The following SCNN1B variants were observed in gnomAD, a reference collection of about 807,000 sequenced individuals.
SCNN1B encodes sodium channel epithelial 1 subunit beta.
A neutral mutation model predicts 65.3 loss-of-function variants in SCNN1B; 46 were observed. That is an observed-to-expected ratio of 0.70 (90% CI 0.56 to 0.90). The LOEUF is 0.90. SCNN1B is among the 40% of genes least tolerant of loss of function. The pLI, the probability that SCNN1B is intolerant of heterozygous loss-of-function variation, is 0.00. For missense variants in SCNN1B, 751 were observed against 830.5 expected (o/e 0.90, Z 1.18); for synonymous variants, 349 against 330.6 (o/e 1.06, Z -0.60).
intron 1 of SCNN1B, 125 bp downstream of exon 1, chr16:23,302,562 G>C (rs1039697790): frequency 6.6e-6 from 1 of 152,284 alleles, no homozygotes; most frequent in African/African-American, 2.4e-5. Flanking sequence ...TCCCACGGGA[G>C]GGCGCTTGGG....
intron 1 of SCNN1B, among the ~76,000 whole-genome samples, chr16:23,321,877 T>G (rs1199693606): frequency 2.0e-5 from 3 of 151,802 alleles, no homozygotes; most frequent in African/African-American, 7.3e-5. Flanking sequence ...ATACAATAAT[T>G]AGCTGGGCAT....
intron 1 of SCNN1B, chr16:23,304,186 C>A: frequency 9.0e-7 from 1 of 1,112,694 alleles, no homozygotes; most frequent in Non-Finnish European, 1.3e-6. Context: ...ACTAACTTCA[C>A]AGGATCTGAA....
intron 2 of SCNN1B, among the ~76,000 whole-genome samples, chr16:23,295,015 C>G (rs1178175289): frequency 6.8e-6 from 1 of 146,248 alleles, no homozygotes; most frequent in African/African-American, 2.6e-5. Context: ...AACAAAAAAA[C>G]TTCAACCTCC....
Position 23,353,761 on chromosome 16 carries a change from C to T in SCNN1B, c.585+687C>T, listed in dbSNP as rs1010053310. ...TAAATATTGGGCAGGTGAAAAGCCA[C>T]AGCTGTGCAGTACAGTCACATGCCA... On this transcript the variant is annotated intron_variant, in intron 3 of 12. Coordinates refer to ENST00000343070, the MANE Select transcript of SCNN1B (RefSeq NM_000336.3). 1.1e-4 allele frequency among the ~76,000 whole-genome samples: 16 copies of T among 152,356 alleles called. No individual in the cohort carries two copies. In the East Asian group the frequency reaches 2.7e-3, roughly 26 times the overall value.
chr16:23,371,431 C>G lies in SCNN1B; in HGVS notation c.1013C>G (p.Ser338Trp). The G allele has an allele frequency of 6.2e-7, 1 of 1,614,052 alleles. No individual in the cohort carries two copies. Among genetic ancestry groups the G allele is most frequent in the South Asian group, 1.1e-5 (1 of 91,054 alleles). ...FIRDEGIYAM[S>W]GTETSIGVLV... is the part of the protein sequence containing the mutation. ...AGAGATGAGGGCATCTACGCCATGT[C>G]GGGGACAGAGACGTCCATCGGGGTA... The change falls in exon 6 of 13, where the codon TCG (serine) becomes TGG (tryptophan). Residue 338 changes from serine to tryptophan, a missense_variant. By Grantham distance (177) the Ser-to-Trp change is radical (BLOSUM62 -3). Coordinates refer to ENST00000343070, the MANE Select transcript of SCNN1B (RefSeq NM_000336.3).
intron 1 of SCNN1B, among the ~76,000 whole-genome samples, chr16:23,307,265 G>A (rs981364837): frequency 8.1e-5 from 12 of 148,160 alleles, no homozygotes; most frequent in East Asian, 2.0e-4. Context: ...AACTGCTGCC[G>A]TTATTTTGAC....
chr16:23,334,653 C>A (rs904795658), intron 1 of SCNN1B, among the ~76,000 whole-genome samples: 8 of 152,220 alleles, frequency 5.3e-5, no homozygotes, highest in Non-Finnish European at 1.2e-4. Flanking sequence ...ACCCCATTCA[C>A]CCCTCTGCAA....
rs545426110 is a variant in SCNN1B, at chr16:23,377,460, A to C, written c.1404+74A>C. 2.0e-5 allele frequency: 29 copies of C among 1,427,304 alleles called. No homozygotes were observed. In the African/African-American group the frequency reaches 3.4e-4, roughly 17 times the overall value. 88.4% of individuals were successfully genotyped at this position (1,427,304 alleles called of 1,614,324 possible). The stretch of plus-strand genomic sequence containing the variant: ...CAAGTCTGGGCATAAGATGTGGGCT[A>C]TTTGGAAATTTGAAGGGGGTGCCTT... On this transcript the variant is annotated intron_variant, in intron 10 of 12. Coordinates refer to ENST00000343070, the MANE Select transcript of SCNN1B (RefSeq NM_000336.3).
intron 1 of SCNN1B, among the ~76,000 whole-genome samples, chr16:23,309,378 G>A (rs1488443475): frequency 6.6e-6 from 1 of 151,354 alleles, no homozygotes; most frequent in Non-Finnish European, 1.5e-5. Flanking sequence ...GAACTCATAG[G>A]ATGGATGGAT....
intron 11 of SCNN1B, among the ~76,000 whole-genome samples, chr16:23,379,331 G>A (rs904980912): frequency 2.0e-5 from 3 of 151,908 alleles, no homozygotes; most frequent in Admixed American, 6.6e-5. Context: ...GGAGTCTAGG[G>A]GGCAAACATA....
chr16:23,283,923 G>C (rs1327610170), intron 2 of SCNN1B: 2 of 152,238 alleles, frequency 1.3e-5, no homozygotes, highest in African/African-American at 4.8e-5. Context: ...CCAGTGAGAA[G>C]CTAAACCATG....
intron 11 of SCNN1B, 139 bp downstream of exon 11, chr16:23,378,906 C>G: frequency 1.3e-6 from 1 of 773,712 alleles, no homozygotes; most frequent in South Asian, 1.6e-5. Flanking sequence ...GGAGGAGGCA[C>G]TAGGAGTGAG....
At chr16:23,291,462 ATGTGTGTGTGTAAG>A (rs1233733641) in intron 2 of SCNN1B, among the ~76,000 whole-genome samples, 4 of 136,538 alleles carry the variant, frequency 2.9e-5, no homozygotes, top group Non-Finnish European at 4.7e-5. Flanking sequence ...CCATATATAT[ATGTGTGTGTGTAAG>A]TGTGTGTGTG....
chr16:23,341,867 C>T (rs1962061543), intron 1 of SCNN1B, among the ~76,000 whole-genome samples: 1 of 152,154 alleles, frequency 6.6e-6, no homozygotes, highest in Non-Finnish European at 1.5e-5. Context: ...AGAACTCTCA[C>T]ACACCGGGTG....
At chr16:23,322,113 G>C (rs1163165936) in intron 1 of SCNN1B, among the ~76,000 whole-genome samples, 3 of 152,108 alleles carry the variant, frequency 2.0e-5, no homozygotes, top group Non-Finnish European at 4.4e-5. Flanking sequence ...GAGCCTTCCA[G>C]ATACAACAGT....
At chr16:23,300,488 A>C (rs986396190), upstream of SCNN1B, among the ~76,000 whole-genome samples, 11 of 152,164 alleles carry the variant, frequency 7.2e-5, no homozygotes, top group African/African-American at 2.7e-4. Flanking sequence ...CAAGCATTAA[A>C]GAGATTTGCA....
chr16:23,286,979 T>A (rs1455557606), intron 2 of SCNN1B, among the ~76,000 whole-genome samples: 1 of 150,054 alleles, frequency 6.7e-6, no homozygotes, highest in Non-Finnish European at 1.5e-5. Context: ...GATGTTGTTG[T>A]TGTTGCTGTT....
At chr16:23,322,298 A>T (rs556686980) in intron 1 of SCNN1B, among the ~76,000 whole-genome samples, 8 of 151,850 alleles carry the variant, frequency 5.3e-5, no homozygotes, top group African/African-American at 7.2e-5. Context: ...GCAATTTAAA[A>T]TTTTTTTCAT....
Position 23,355,488 on chromosome 16 carries a change from C to A in SCNN1B, c.775C>A (p.Arg259=). The change falls in exon 4 of 13, where the codon CGG becomes AGG. Residue 259 remains arginine (R), a splice_region_variant and synonymous_variant. Transcript: ENST00000343070. ...CLFGAEPCNY[R]NFTSIFYPHY... is the part of the protein sequence containing the mutation. ...ATTCGGAGCTGAGCCCTGCAACTACCGGTGAGAGCCACCCCAAGCCCACCC... is the reference window on the plus strand; with the variant it reads ...ATTCGGAGCTGAGCCCTGCAACTACAGGTGAGAGCCACCCCAAGCCCACCC... The A allele has an allele frequency of 6.2e-7, 1 of 1,614,004 alleles. No individual in the cohort carries two copies. Among genetic ancestry groups the A allele is most frequent in the Non-Finnish European group, 8.5e-7 (1 of 1,179,994 alleles).
Sources: allele counts gnomAD v4.1 joint callset (sites outside exome capture counted in the v4.1 genomes callset), GRCh38; gene constraint gnomAD v4.1.1; transcripts MANE v1.5; gene names NCBI Gene and HGNC (gene_info 2026-07-23, HGNC 2026-07-21).